KCTD8: variants seen among roughly 807,000 people sequenced by gnomAD.
KCTD8 encodes BTB/POZ domain-containing protein KCTD8.
Under a neutral mutation model 31.5 loss-of-function variants are expected in KCTD8, and 27 were observed. The ratio of observed to expected loss-of-function variants is 0.86; its 90% CI spans 0.63 to 1.18. The LOEUF (loss-of-function observed/expected upper bound fraction) is 1.18, where lower values mean the gene tolerates loss of function less well. KCTD8 is among the 50% of genes most tolerant of loss of function. KCTD8 has a pLI of 0.00. For missense variants in KCTD8, 658 were observed against 647.7 expected (o/e 1.02, Z -0.17); for synonymous variants, 290 against 280.0 (o/e 1.04, Z -0.36).
chr4:44,445,056 C>T (rs527776217), intron 1 of KCTD8, among the ~76,000 whole-genome samples: 85 of 152,264 alleles, frequency 5.6e-4, no homozygotes, highest in African/African-American at 2.0e-3. Flanking sequence ...TTATGAGTAA[C>T]ACCGATAATC....
chr4:44,351,921 G>A (rs1352533833), intron 1 of KCTD8, among the ~76,000 whole-genome samples: 1 of 151,828 alleles, frequency 6.6e-6, no homozygotes, highest in Non-Finnish European at 1.5e-5. Flanking sequence ...GTCACAGCAG[G>A]CACAGTCTAA....
intron 1 of KCTD8, among the ~76,000 whole-genome samples, chr4:44,241,129 A>T (rs1715447669): frequency 6.6e-6 from 1 of 152,158 alleles, no homozygotes; most frequent in Non-Finnish European, 1.5e-5. Context: ...TATTTCCATG[A>T]CTTTCTCCTA....
chr4:44,416,744 T>C (rs1721086679), intron 1 of KCTD8, among the ~76,000 whole-genome samples: 1 of 152,202 alleles, frequency 6.6e-6, no homozygotes, highest in African/African-American at 2.4e-5. Context: ...CAGATGCCAG[T>C]GTTATGTTTC....
chr4:44,278,076 C>T (rs1166276991), intron 1 of KCTD8, among the ~76,000 whole-genome samples: 2 of 151,906 alleles, frequency 1.3e-5, no homozygotes, highest in African/African-American at 4.8e-5. Flanking sequence ...ACACAGTTAC[C>T]TACTCTCTGT....
Position 44,448,561 on chromosome 4 carries a change from G to T in KCTD8, c.-38C>A, listed in dbSNP as rs761604773. 7 of 1,410,088 alleles carry T rather than the reference G, an allele frequency of 5.0e-6. No homozygotes were observed. The highest frequency in any genetic ancestry group is 6.4e-6 in the Non-Finnish European group (7 of 1,086,192). The allele number at this position is 1,410,088 out of a possible 1,614,324, so 87.3% of individuals were successfully genotyped here. A position where few individuals can be genotyped will look rare whatever the true frequency, so the allele number is the denominator to read the frequency against. ...GCCGGCCCAGTGACCCGAGAGAGCT[G>T]CACTTTCTCGTTCCCGGAGCCCGCG... On this transcript the variant is annotated 5_prime_UTR_variant, in exon 1 of 2. Coordinates refer to ENST00000360029, the MANE Select transcript of KCTD8 (RefSeq NM_198353.3). This position sits in a 1 kb window ranked among gnomAD's most constrained non-coding sequence, Gnocchi z 4.1.
intron 1 of KCTD8, among the ~76,000 whole-genome samples, chr4:44,414,556 C>A (rs754789934): frequency 6.6e-5 from 10 of 152,102 alleles, no homozygotes; most frequent in Non-Finnish European, 1.2e-4. Context: ...AACTGGGTGG[C>A]CCCTGAGGGC....
At chr4:44,387,418 T>A (rs948565018) in intron 1 of KCTD8, among the ~76,000 whole-genome samples, 1 of 151,758 alleles carries the variant, frequency 6.6e-6, no homozygotes, top group South Asian at 2.1e-4. Flanking sequence ...ACCAAGGCAA[T>A]CCTAAGCAAA....
chr4:44,374,922 A>G (rs1288945194), intron 1 of KCTD8, among the ~76,000 whole-genome samples: 1 of 152,204 alleles, frequency 6.6e-6, no homozygotes, highest in African/African-American at 2.4e-5. Context: ...ACATGAAGTG[A>G]GCGCATGCTG....
chr4:44,175,250 C>A lies in KCTD8; in HGVS notation c.962G>T (p.Arg321Leu). Residue 321 changes from arginine to leucine, a missense_variant and splice_region_variant, in exon 2 of 2, where the codon CGA (arginine) becomes CTA (leucine). Coordinates refer to ENST00000360029, the MANE Select transcript of KCTD8 (RefSeq NM_198353.3). ...AGGTGATACTATTTTCTGAGGTGGT[C>A]CTAAAAAGGAGGAAAAAAAAAGAAG... ...WSSYTEYIFFRPPQKIVSPKQ... is the reference protein window; with the variant it reads ...WSSYTEYIFFLPPQKIVSPKQ... The A allele has an allele frequency of 1.5e-5, 23 of 1,492,904 alleles. No homozygotes were observed. Among genetic ancestry groups the A allele is most frequent in the Admixed American group, 4.6e-5 (2 of 43,630 alleles). The allele number at this position is 1,492,904 out of a possible 1,614,324, so 92.5% of individuals were successfully genotyped here.
At chr4:44,217,114 C>G (rs900459126) in intron 1 of KCTD8, among the ~76,000 whole-genome samples, 1 of 152,118 alleles carries the variant, frequency 6.6e-6, no homozygotes, top group African/African-American at 2.4e-5. Context: ...TCCTACTATG[C>G]AGAGTAAAGT....
rs138811887 is a variant in KCTD8, at chr4:44,243,309, G to C, written c.962-68059C>G. The stretch of plus-strand genomic sequence containing the variant: ...CCATGTGTTCTGACAAGGTTATCCT[G>C]TTGCTACTTCAAGTATGGTTACAAA... On this transcript the variant is annotated intron_variant, in intron 1 of 1. Transcript: ENST00000360029. Among the ~76,000 whole-genome samples the C allele has an allele frequency of 6.1e-3, 930 of 152,294 alleles. 13 individuals are homozygous for C. Among genetic ancestry groups the C allele is most frequent in the African/African-American group, 0.021 (867 of 41,576 alleles).
chr4:44,315,689 T>G (rs896254216), intron 1 of KCTD8, among the ~76,000 whole-genome samples: 8 of 152,026 alleles, frequency 5.3e-5, no homozygotes, highest in African/African-American at 1.9e-4. Flanking sequence ...TGAAAAAGTG[T>G]ATAATTTACC....
intron 1 of KCTD8, among the ~76,000 whole-genome samples, chr4:44,255,279 C>T (rs1489142066): frequency 6.6e-6 from 1 of 151,854 alleles, no homozygotes; most frequent in Non-Finnish European, 1.5e-5. Context: ...ATCTAAGCCC[C>T]TAGGGCTGAA....
At chr4:44,238,813 T>TAGTG in intron 1 of KCTD8, among the ~76,000 whole-genome samples, 1 of 152,336 alleles carries the variant, frequency 6.6e-6, no homozygotes, top group East Asian at 1.9e-4. Flanking sequence ...TACACAGGAA[T>TAGTG]TAACATAGTA....
chr4:44,348,873 T>C (rs1577629588), intron 1 of KCTD8, among the ~76,000 whole-genome samples: 2 of 117,622 alleles, frequency 1.7e-5, no homozygotes, highest in Admixed American at 7.9e-5. Context: ...AACTCTCCCC[T>C]GTCAGTTGGC....
chr4:44,255,893 A>C (rs1274722470), intron 1 of KCTD8, among the ~76,000 whole-genome samples: 1 of 151,984 alleles, frequency 6.6e-6, no homozygotes, highest in Admixed American at 6.6e-5. Flanking sequence ...CAAATTACAA[A>C]TTAATATTTG....
intron 1 of KCTD8, among the ~76,000 whole-genome samples, chr4:44,202,620 C>T (rs1376350354): frequency 6.6e-6 from 1 of 151,950 alleles, no homozygotes; most frequent in Non-Finnish European, 1.5e-5. Context: ...ACACTGGAAA[C>T]TACTAGAGTA....
chr4:44,214,379 T>C (rs1714586824), intron 1 of KCTD8, among the ~76,000 whole-genome samples: 1 of 152,196 alleles, frequency 6.6e-6, no homozygotes, highest in Admixed American at 6.5e-5. Flanking sequence ...CTTTAGGCAG[T>C]GTCTCAAGTA....
intron 1 of KCTD8, among the ~76,000 whole-genome samples, chr4:44,185,322 T>C (rs987036046): frequency 6.6e-6 from 1 of 152,250 alleles, no homozygotes; most frequent in East Asian, 1.9e-4. Context: ...TTTCTTATTA[T>C]TTCTCATTAT....
Sources: gnomAD v4.1 joint callset for allele counts (sites outside exome capture counted in the v4.1 genomes callset) on GRCh38, gnomAD v4.1.1 for gene constraint, Gnocchi (gnomAD v3.1) non-coding constraint, MANE v1.5 for transcripts, NCBI Gene and HGNC (gene_info 2026-07-23, HGNC 2026-07-21) for gene names.